GLCE: variants seen among roughly 807,000 people sequenced by gnomAD.
The protein encoded by GLCE is glucuronic acid epimerase, also known as D-glucuronyl C5-epimerase.
Under a neutral mutation model 47.9 loss-of-function variants are expected in GLCE, and 19 were observed. The ratio of observed to expected loss-of-function variants is 0.40; its 90% CI spans 0.28 to 0.58. GLCE has a LOEUF of 0.58. GLCE is among the 20% of genes least tolerant of loss of function. The pLI is 0.48. For missense variants in GLCE, 556 were observed against 743.3 expected, an observed-to-expected ratio of 0.75 and a Z score of 2.93; for synonymous variants, 245 against 263.4, an observed-to-expected ratio of 0.93 and a Z score of 0.68.
At chr15:69,231,623 C>T in intron 2 of GLCE, among the ~76,000 whole-genome samples, 1 of 152,070 alleles carries the variant, frequency 6.6e-6, no homozygotes, top group Non-Finnish European at 1.5e-5. Flanking sequence ...AGTTGATGGA[C>T]TATTCGCTGA....
At chr15:69,192,518 A>G (rs2051928744) in intron 1 of GLCE, among the ~76,000 whole-genome samples, 1 of 151,626 alleles carries the variant, frequency 6.6e-6, no homozygotes, top group Non-Finnish European at 1.5e-5. Flanking sequence ...CATCTCTTTC[A>G]TTTCTGGTTC....
At chr15:69,207,529 C>T (rs1378339371) in intron 1 of GLCE, among the ~76,000 whole-genome samples, 2 of 152,088 alleles carry the variant, frequency 1.3e-5, no homozygotes, top group Non-Finnish European at 2.9e-5. Context: ...TGACTTCTTT[C>T]ATTTAGAAAA....
intron 1 of GLCE, among the ~76,000 whole-genome samples, chr15:69,180,057 TAAAA>T: frequency 6.6e-6 from 1 of 152,218 alleles, no homozygotes; most frequent in African/African-American, 2.4e-5. Context: ...GATCAAATAT[TAAAA>T]AAGGATCAGA....
rs3205721 is a variant in GLCE, at chr15:69,269,749, A to T, written c.*505A>T. On this transcript the variant is annotated 3_prime_UTR_variant, in exon 5 of 5. Coordinates refer to ENST00000261858, the MANE Select transcript of GLCE (RefSeq NM_015554.3). ...TTTTTAAAAAGATGTTTCCTTTCTAAAGATTAATTTCTTGGGAGCAAATGA... is the reference window on the plus strand; with the variant it reads ...TTTTTAAAAAGATGTTTCCTTTCTATAGATTAATTTCTTGGGAGCAAATGA... 0.66 allele frequency: 100,904 copies of T among 152,890 alleles called. 35,548 individuals carry two copies. Among genetic ancestry groups the T allele is most frequent in the Non-Finnish European group, 0.77 (52,400 of 68,246 alleles). The allele number at this position is 152,890 out of a possible 1,614,324, so 9.5% of individuals were successfully genotyped here. A position where few individuals can be genotyped will look rare whatever the true frequency, so the allele number is the denominator to read the frequency against.
intron 2 of GLCE, among the ~76,000 whole-genome samples, chr15:69,251,909 A>G (rs558162263): frequency 1.3e-4 from 20 of 152,332 alleles, no homozygotes; most frequent in Middle Eastern, 6.8e-3. Flanking sequence ...AACTTCCAAT[A>G]TATCTGTCAC....
chr15:69,193,269 G>C (rs965988515), intron 1 of GLCE, among the ~76,000 whole-genome samples: 3 of 152,092 alleles, frequency 2.0e-5, no homozygotes, highest in African/African-American at 7.2e-5. Context: ...TGGTATCATA[G>C]ACTTGTGCTG....
At chr15:69,210,922 G>A (rs1390606333) in intron 2 of GLCE, among the ~76,000 whole-genome samples, 1 of 152,078 alleles carries the variant, frequency 6.6e-6, no homozygotes, top group Non-Finnish European at 1.5e-5. Flanking sequence ...GGCCCTTTTA[G>A]GAAAGTTTGC....
intron 3 of GLCE, among the ~76,000 whole-genome samples, chr15:69,258,349 A>G (rs1471627123): frequency 1.3e-5 from 2 of 152,164 alleles, no homozygotes; most frequent in African/African-American, 4.8e-5. Context: ...ATGGCTGCAT[A>G]GTAGAAATGC....
At chr15:69,176,958 T>C (rs1018978739) in intron 1 of GLCE, among the ~76,000 whole-genome samples, 3 of 152,200 alleles carry the variant, frequency 2.0e-5, no homozygotes, top group Non-Finnish European at 2.9e-5. Flanking sequence ...CACTCTCAAA[T>C]TGAACTATGA....
At chr15:69,245,332 C>CA (rs34544477) in intron 2 of GLCE, among the ~76,000 whole-genome samples, 4,016 of 78,976 alleles carry the variant, frequency 0.051, 153 homozygotes, top group Non-Finnish European at 0.076. Flanking sequence ...GACTCTGTCT[C>CA]AAAAAAAAAA....
intron 2 of GLCE, among the ~76,000 whole-genome samples, chr15:69,233,891 T>C (rs2052557975): frequency 6.6e-6 from 1 of 152,154 alleles, no homozygotes; most frequent in Non-Finnish European, 1.5e-5. Context: ...GGCTACACAG[T>C]ACAGCTTGTT....
At chr15:69,208,335 T>C (rs1221888693) in intron 1 of GLCE, among the ~76,000 whole-genome samples, 1 of 152,062 alleles carries the variant, frequency 6.6e-6, no homozygotes, top group Non-Finnish European at 1.5e-5. Flanking sequence ...TAGGTGAAAT[T>C]TTATTTTTTT....
intron 2 of GLCE, among the ~76,000 whole-genome samples, chr15:69,237,878 G>A (rs1338985315): frequency 6.6e-6 from 1 of 152,140 alleles, no homozygotes; most frequent in African/African-American, 2.4e-5. Context: ...CTAATGAGTG[G>A]AGAAATCTTA....
intron 1 of GLCE, among the ~76,000 whole-genome samples, chr15:69,195,164 G>A (rs573539991): frequency 9.9e-5 from 15 of 152,090 alleles, no homozygotes; most frequent in Non-Finnish European, 1.9e-4. Flanking sequence ...AGTGTGAAGA[G>A]CATAATAAAG....
Position 69,269,049 on chromosome 15 carries a change from C to T in GLCE, c.1659C>T (p.Asp553=). 6.2e-7 allele frequency: 1 copy of T among 1,614,192 alleles called. No homozygotes were observed. Residue 553 remains aspartate (D), a synonymous_variant, in exon 5 of 5, where the codon GAC becomes GAT. Coordinates refer to ENST00000261858, the MANE Select transcript of GLCE (RefSeq NM_015554.3). ...ESLKAMLPLY[D]TGSGTIYDLR... Reference sequence around the variant, plus strand: ...TTAAAGCCATGCTGCCCTTGTATGACACTGGCTCAGGAACCATCTATGACC... The same window carrying T: ...TTAAAGCCATGCTGCCCTTGTATGATACTGGCTCAGGAACCATCTATGACC...
chr15:69,249,448 A>G (rs1413945064), intron 2 of GLCE, among the ~76,000 whole-genome samples: 8 of 152,234 alleles, frequency 5.3e-5, no homozygotes, highest in Non-Finnish European at 1.0e-4. Context: ...ATATTGATCA[A>G]AACAATCAGT....
intron 4 of GLCE, among the ~76,000 whole-genome samples, chr15:69,264,383 T>C (rs1045653367): frequency 7.2e-5 from 11 of 151,982 alleles, no homozygotes; most frequent in African/African-American, 2.7e-4. Flanking sequence ...TATACACACA[T>C]GTGTGTGCAC....
At chr15:69,190,092 A>ATT (rs77328875) in intron 1 of GLCE, among the ~76,000 whole-genome samples, 2 of 151,042 alleles carry the variant, frequency 1.3e-5, no homozygotes, top group Admixed American at 6.6e-5. Context: ...ATGTTTGGAG[A>ATT]TTTTTTTTTA....
intron 1 of GLCE, among the ~76,000 whole-genome samples, chr15:69,192,175 A>G (rs977845811): frequency 2.0e-5 from 3 of 151,824 alleles, no homozygotes; most frequent in Admixed American, 6.6e-5. Flanking sequence ...TCATGCTTTC[A>G]TTATGGTTAT....
Sources: gnomAD v4.1 joint callset for allele counts (sites outside exome capture counted in the v4.1 genomes callset) on GRCh38, gnomAD v4.1.1 for gene constraint, MANE v1.5 for transcripts, NCBI Gene and HGNC (gene_info 2026-07-23, HGNC 2026-07-21) for gene names.